DCHS2: variants seen among roughly 807,000 people sequenced by gnomAD.
DCHS2 encodes the protein protocadherin-23.
In DCHS2, 142 loss-of-function variants were observed where a neutral mutation model predicts 182.4. The ratio of observed to expected loss-of-function variants is 0.78; its 90% CI spans 0.68 to 0.89. The LOEUF (loss-of-function observed/expected upper bound fraction) is 0.89. DCHS2 is among the 40% of genes least tolerant of loss of function. DCHS2 has a pLI of 0.00. For missense variants in DCHS2, 4,319 were observed against 4,198.6 expected (o/e 1.03, Z -0.79); for synonymous variants, 1,740 against 1,663.3 (o/e 1.05, Z -1.12).
intron 9 of DCHS2, 69 bp downstream of exon 9, chr4:154,320,310 G>T: frequency 1.3e-6 from 2 of 1,535,740 alleles, no homozygotes; most frequent in South Asian, 1.3e-5. Flanking sequence ...TTGTTAGGAG[G>T]GTGGGTCTCA....
At chr4:154,356,381 A>T (rs953321288) in intron 3 of DCHS2, among the ~76,000 whole-genome samples, 3 of 143,574 alleles carry the variant, frequency 2.1e-5, no homozygotes, top group African/African-American at 7.3e-5. Context: ...TTAAAAAATT[A>T]TCATAAGCTG....
At chr4:154,259,179 T>C (rs1413878230) in intron 15 of DCHS2, among the ~76,000 whole-genome samples, 1 of 152,134 alleles carries the variant, frequency 6.6e-6, no homozygotes, top group Non-Finnish European at 1.5e-5. Flanking sequence ...CCTTATTCTA[T>C]GAAGTCTTAC....
intron 16 of DCHS2, among the ~76,000 whole-genome samples, chr4:154,245,849 C>T (rs1054635108): frequency 3.8e-4 from 58 of 152,112 alleles, no homozygotes; most frequent in African/African-American, 1.4e-3. Flanking sequence ...TTAAAATCCA[C>T]TCAGAATGTA....
At chr4:154,267,012 C>T (rs1376110125) in intron 14 of DCHS2, among the ~76,000 whole-genome samples, 1 of 152,176 alleles carries the variant, frequency 6.6e-6, no homozygotes, top group Non-Finnish European at 1.5e-5. Flanking sequence ...AATTATTTTC[C>T]TAACTTTTCC....
chr4:154,302,958 C>G (rs1489297754), intron 12 of DCHS2, among the ~76,000 whole-genome samples: 5 of 66,592 alleles, frequency 7.5e-5, no homozygotes, highest in Non-Finnish European at 1.2e-4. Flanking sequence ...CACACACACA[C>G]ACACACACAC....
chr4:154,491,484 G>A lies in DCHS2; in HGVS notation c.-129C>T. ...GACTTTGTTTGGCAAACAAACCGACGGCCCAGGAATTCCCGAGGTTACATC... is the reference window on the plus strand; with the variant it reads ...GACTTTGTTTGGCAAACAAACCGACAGCCCAGGAATTCCCGAGGTTACATC... On this transcript the variant is annotated 5_prime_UTR_variant, in exon 1 of 20. Transcript: ENST00000357232. 1 of 1,406,866 alleles carries A rather than the reference G, an allele frequency of 7.1e-7. No homozygotes were observed. Among genetic ancestry groups the A allele is most frequent in the Non-Finnish European group, 9.2e-7 (1 of 1,086,262 alleles). The allele number at this position is 1,406,866 out of a possible 1,614,324, so 87.1% of individuals were successfully genotyped here.
intron 1 of DCHS2, among the ~76,000 whole-genome samples, chr4:154,417,511 C>T (rs891630100): frequency 1.3e-5 from 2 of 152,080 alleles, no homozygotes; most frequent in Admixed American, 6.6e-5. Context: ...TGACCTCACA[C>T]GAGAAAAACC....
At chr4:154,468,973 T>C (rs1298092133) in intron 1 of DCHS2, among the ~76,000 whole-genome samples, 1 of 152,176 alleles carries the variant, frequency 6.6e-6, no homozygotes, top group Non-Finnish European at 1.5e-5. Context: ...ATATGTTAAT[T>C]AGCCTAATTG....
chr4:154,302,980 CATA>C (rs764802164), intron 12 of DCHS2, among the ~76,000 whole-genome samples: 6 of 89,464 alleles, frequency 6.7e-5, no homozygotes, highest in Non-Finnish European at 1.3e-4. Context: ...CACACACACA[CATA>C]TTTTTTTTTT....
chr4:154,412,733 T>C (rs1479160553), intron 1 of DCHS2, among the ~76,000 whole-genome samples: 2 of 152,202 alleles, frequency 1.3e-5, no homozygotes, highest in African/African-American at 4.8e-5. Flanking sequence ...TCTCCTTGAA[T>C]AAGAATAGTA....
At chr4:154,345,195 A>G (rs1729302596) in intron 3 of DCHS2, among the ~76,000 whole-genome samples, 1 of 152,168 alleles carries the variant, frequency 6.6e-6, no homozygotes. Context: ...CGCTAATGCT[A>G]AGTTTTGATG....
Position 154,304,865 on chromosome 4 carries a change from A to T in DCHS2, c.5409T>A (p.Asp1803Glu). 6.2e-7 allele frequency: 1 copy of T among 1,611,392 alleles called. No individual in the cohort carries two copies. Among genetic ancestry groups the T allele is most frequent in the Admixed American group, 1.7e-5 (1 of 59,702 alleles). The change falls in exon 12 of 20, where the codon GAT becomes GAA. Residue 1803 changes from aspartate to glutamate, a missense_variant. Transcript: ENST00000357232. Reference protein sequence around the residue: ...EVFTLRVLVRDGGFPSLSSTT... With the variant: ...EVFTLRVLVREGGFPSLSSTT... The stretch of plus-strand genomic sequence containing the variant: ...TGCTGGACAATGAAGGGAATCCCCC[A>T]TCTCGTACTAGTACTGACACAGAAC...
At chr4:154,277,523 G>T (rs1733906905) in intron 13 of DCHS2, among the ~76,000 whole-genome samples, 1 of 151,602 alleles carries the variant, frequency 6.6e-6, no homozygotes, top group African/African-American at 2.4e-5. Context: ...CCTTTAGGAG[G>T]CCCCCAGAAT....
In DCHS2 at chr4:154,234,458, C is replaced by G. The variant is rs763408465; in HGVS notation, c.*78G>C. On this transcript the variant is annotated 3_prime_UTR_variant, in exon 20 of 20. Transcript: ENST00000357232. ...GCTTTTAGATAAAAATGAGCCCAATCTCGAGTTGCTGGCTTGAAAACATTT... is the reference window on the plus strand; with the variant it reads ...GCTTTTAGATAAAAATGAGCCCAATGTCGAGTTGCTGGCTTGAAAACATTT... The G allele has an allele frequency of 7.0e-7, 1 of 1,433,148 alleles. No homozygotes were observed. Among genetic ancestry groups the G allele is most frequent in the Non-Finnish European group, 9.2e-7 (1 of 1,089,808 alleles). The allele number at this position is 1,433,148 out of a possible 1,614,324, so 88.8% of individuals were successfully genotyped here. A position where few individuals can be genotyped will look rare whatever the true frequency, so the allele number is the denominator to read the frequency against.
intron 15 of DCHS2, among the ~76,000 whole-genome samples, chr4:154,259,091 C>T (rs1732844471): frequency 6.6e-6 from 1 of 152,096 alleles, no homozygotes; most frequent in East Asian, 1.9e-4. Context: ...GGACTTGGGG[C>T]CTTTTACTGA....
intron 13 of DCHS2, among the ~76,000 whole-genome samples, chr4:154,288,311 AC>A (rs1734500319): frequency 6.6e-6 from 1 of 152,168 alleles, no homozygotes; most frequent in South Asian, 2.1e-4. Context: ...CAACACAAAA[AC>A]TATATAGACA....
rs1396107689 is a variant in DCHS2, at chr4:154,333,207, C to G, written c.3001G>C (p.Ala1001Pro). The G allele has an allele frequency of 6.2e-7, 1 of 1,614,062 alleles. No individual in the cohort carries two copies. Among genetic ancestry groups the G allele is most frequent in the Non-Finnish European group, 8.5e-7 (1 of 1,180,052 alleles). ...TTPPGTALYLARAEDRDSGRN... is the reference protein window; with the variant it reads ...TTPPGTALYLPRAEDRDSGRN... ...CCACTGTCTCTGTCTTCCGCACGTG[C>G]GAGGTACAAGGCTGTGCCAGGGGGC... Residue 1001 changes from alanine to proline, a missense_variant, in exon 5 of 20, where the codon GCA becomes CCA. By Grantham distance (27) the Ala-to-Pro change is conservative. Transcript: ENST00000357232.
Position 154,370,007 on chromosome 4 carries a change from G to T in DCHS2, c.2245-3566C>A, listed in dbSNP as rs1579015965. 2.0e-5 allele frequency among the ~76,000 whole-genome samples: 3 copies of T among 152,120 alleles called. No homozygotes were observed. The South Asian group carries it at 6.2e-4, about 32-fold the overall frequency. On this transcript the variant is annotated intron_variant, in intron 2 of 19. Transcript: ENST00000357232. ...TGCCTTCTGGGACTCCTGAATAGTA[G>T]AATATTAATAACATCTCTCCTTCAC...
rs763473940 is a variant in DCHS2, at chr4:154,491,024, G to T, written c.332C>A (p.Pro111Gln). The stretch of plus-strand genomic sequence containing the variant: ...GTGCACGTGGAAGTCGTCCAGCAGC[G>T]GGGAGTCATCGGAGTCCTCCGACAG... ...FFLSEDSDDS[P>Q]LLDDFHVHPD... Residue 111 changes from proline to glutamine, a missense_variant, in exon 1 of 20, where the codon CCG becomes CAG. Coordinates refer to ENST00000357232, the MANE Select transcript of DCHS2 (RefSeq NM_001358235.2). 2.6e-6 allele frequency: 4 copies of T among 1,551,080 alleles called. No individual in the cohort carries two copies. The highest frequency in any genetic ancestry group is 2.7e-5 in the African/African-American group (2 of 73,182).
Sources: gnomAD v4.1 joint callset for allele counts (sites outside exome capture counted in the v4.1 genomes callset) on GRCh38, gnomAD v4.1.1 for gene constraint, MANE v1.5 for transcripts, NCBI Gene and HGNC (gene_info 2026-07-23, HGNC 2026-07-21) for gene names.